The following KCTD1 variants were observed in gnomAD, a reference collection of about 807,000 sequenced individuals.
KCTD1 encodes BTB/POZ domain-containing protein KCTD1.
Under a neutral mutation model 66.0 loss-of-function variants are expected in KCTD1, and 24 were observed. That is an observed-to-expected ratio of 0.36 (90% CI 0.26 to 0.51). KCTD1 has a LOEUF of 0.51. KCTD1 is among the 20% of genes least tolerant of loss of function. KCTD1 has a pLI of 0.95. For synonymous variants in KCTD1, 511 were observed against 517.2 expected (o/e 0.99, Z 0.16); for missense variants, 943 against 1,205.2 (o/e 0.78, Z 3.22).
chr18:26,608,627 C>T (rs949290755), intron 1 of KCTD1, among the ~76,000 whole-genome samples: 1 of 152,170 alleles, frequency 6.6e-6, no homozygotes, highest in South Asian at 2.1e-4. Flanking sequence ...CCCGCTGCCC[C>T]CTCATTATTC....
chr18:26,526,999 T>C (rs10502471), intron 1 of KCTD1, among the ~76,000 whole-genome samples: 9,080 of 152,140 alleles, frequency 0.06, 312 homozygotes, highest in Middle Eastern at 0.11. Flanking sequence ...TGAGCACTAA[T>C]GCTTTAACCC....
At chr18:26,638,407 A>AT (rs1298907226) in intron 1 of KCTD1, among the ~76,000 whole-genome samples, 1 of 152,202 alleles carries the variant, frequency 6.6e-6, no homozygotes, top group Non-Finnish European at 1.5e-5. Flanking sequence ...CATACAATTC[A>AT]TTTTTTAACC....
At chr18:26,600,721 C>G (rs1043655548) in intron 1 of KCTD1, among the ~76,000 whole-genome samples, 1 of 151,874 alleles carries the variant, frequency 6.6e-6, no homozygotes, top group Non-Finnish European at 1.5e-5. Flanking sequence ...TGAGTCTCAT[C>G]TCAGCAATGC....
rs1426483667 is a variant in KCTD1 at position 26,593,300 on chromosome 18, TGAGGAGAAGGAA to T, written c.-16+35835_-16+35846del. Among the ~76,000 whole-genome samples the T allele has an allele frequency of 3.3e-3, 236 of 70,628 alleles. 1 individual carries two copies. The highest frequency in any genetic ancestry group is 0.011 in the African/African-American group (185 of 16,724). The allele number at this position is 70,628 out of a possible 152,430, so 46.3% of individuals were successfully genotyped here. The stretch of plus-strand genomic sequence containing the variant: ...AAGACAAGGAGGAGGAGGAGCAATA[TGAGGAGAAGGAA>T]GAGGAGGAGGAAGAGGAGGAGGAAG... On this transcript the variant is annotated intron_variant, in intron 1 of 4. Transcript: ENST00000317932.
chr18:26,644,602 A>T (rs867307446), upstream of KCTD1, among the ~76,000 whole-genome samples: 1 of 152,136 alleles, frequency 6.6e-6, no homozygotes, highest in African/African-American at 2.4e-5. Context: ...TACTAAAAAT[A>T]CAAAAATTAG....
At position 26,460,036 on chromosome 18, in the gene KCTD1, C is replaced by G. The variant is rs58922263; in HGVS notation, c.2134-111G>C. ...CTTCTTGTTATGTCACTAATCAAAT[C>G]TGCATGTGCGTTTTTCACTTACGAC... On this transcript the variant is annotated intron_variant, in intron 3 of 4. Coordinates refer to ENST00000580059, the MANE Select transcript of KCTD1 (RefSeq NM_001142730.3). 7.2e-3 allele frequency: 5,679 copies of G among 789,938 alleles called. 226 individuals carry two copies. In the African/African-American group the frequency reaches 0.088, roughly 12 times the overall value. The allele number at this position is 789,938 out of a possible 1,614,324, so 48.9% of individuals were successfully genotyped here.
At chr18:26,609,208 G>C (rs1175721046) in intron 1 of KCTD1, among the ~76,000 whole-genome samples, 1 of 152,138 alleles carries the variant, frequency 6.6e-6, no homozygotes, top group Non-Finnish European at 1.5e-5. Flanking sequence ...GTCAGCCACT[G>C]CACTTTATAT....
At position 26,467,495 on chromosome 18, in the gene KCTD1, GTGACAGCGCAAGACCC is replaced by G. The variant is rs1326495321; in HGVS notation, c.2134-7586_2134-7571del. ...ATTGCACCACTGCATTCCAGCCTGG[GTGACAGCGCAAGACCC>G]TGTCTCAAAAAAAATTTTTTAAGGC... On this transcript the variant is annotated intron_variant, in intron 3 of 4. Coordinates refer to ENST00000580059, the MANE Select transcript of KCTD1 (RefSeq NM_001142730.3). 3.9e-5 allele frequency among the ~76,000 whole-genome samples: 6 copies of G among 152,256 alleles called. No homozygotes were observed. In the South Asian group the frequency reaches 8.3e-4, roughly 21 times the overall value.
intron 1 of KCTD1, among the ~76,000 whole-genome samples, chr18:26,610,721 A>T (rs902904098): frequency 6.6e-6 from 1 of 152,158 alleles, no homozygotes; most frequent in Non-Finnish European, 1.5e-5. Flanking sequence ...AAAGAAAGAA[A>T]GGAAGAAAGG....
chr18:26,651,512 G>T (rs1988033360), intron 1 of KCTD1, among the ~76,000 whole-genome samples: 1 of 152,076 alleles, frequency 6.6e-6, no homozygotes, highest in East Asian at 1.9e-4. Context: ...GGCCGAGTGT[G>T]GTGGCTCACA....
chr18:26,510,191 G>C (rs1983265752), intron 1 of KCTD1, among the ~76,000 whole-genome samples: 1 of 152,150 alleles, frequency 6.6e-6, no homozygotes, highest in Non-Finnish European at 1.5e-5. Flanking sequence ...ATTACATTGT[G>C]GGGTGCAGAT....
intron 1 of KCTD1, among the ~76,000 whole-genome samples, chr18:26,559,718 G>T (rs1985800390): frequency 6.6e-6 from 1 of 152,180 alleles, no homozygotes; most frequent in Non-Finnish European, 1.5e-5. Flanking sequence ...GCTGTTAAAA[G>T]GCCTGAAGCA....
intron 1 of KCTD1, chr18:26,629,019 T>C (rs1987562522): frequency 4.6e-6 from 1 of 215,594 alleles, no homozygotes; most frequent in African/African-American, 2.4e-5. Flanking sequence ...GAGAGATTTT[T>C]ACAGTCTCAG....
chr18:26,578,930 A>G (rs1371653232), intron 1 of KCTD1, among the ~76,000 whole-genome samples: 1 of 152,242 alleles, frequency 6.6e-6, no homozygotes, highest in Non-Finnish European at 1.5e-5. Context: ...GGAATTAGAA[A>G]GCAAACATAA....
intron 1 of KCTD1, among the ~76,000 whole-genome samples, chr18:26,516,002 C>T (rs146489383): frequency 3.6e-4 from 54 of 151,944 alleles, no homozygotes; most frequent in Middle Eastern, 3.4e-3. Flanking sequence ...GAGAACACAG[C>T]GGATAAATGC....
intron 1 of KCTD1, among the ~76,000 whole-genome samples, chr18:26,620,076 C>G (rs115290195): frequency 2.0e-5 from 3 of 152,044 alleles, no homozygotes; most frequent in Non-Finnish European, 4.4e-5. Context: ...TCTCTGAACT[C>G]CTCGAGGGCA....
intron 4 of KCTD1, 46 bp from the exon 5 acceptor site, chr18:26,455,947 C>G (rs1598868475): frequency 7.0e-7 from 1 of 1,427,964 alleles, no homozygotes. Flanking sequence ...GAGGTAAGTC[C>G]TATGGCTACA....
intron 3 of KCTD1, among the ~76,000 whole-genome samples, chr18:26,472,688 C>T (rs1163808523): frequency 6.6e-6 from 1 of 152,218 alleles, no homozygotes; most frequent in Non-Finnish European, 1.5e-5. Flanking sequence ...GAGCGCCCGA[C>T]GTTGGTGGCT....
At chr18:26,599,885 G>T in intron 1 of KCTD1, 1 of 1,553,934 alleles carries the variant, frequency 6.4e-7, no homozygotes, top group South Asian at 1.1e-5. Context: ...CAGATCACAG[G>T]CAAAAAGCAA....
Sources: allele counts gnomAD v4.1 joint callset (sites outside exome capture counted in the v4.1 genomes callset), GRCh38; gene constraint gnomAD v4.1.1; transcripts MANE v1.5; gene names NCBI Gene and HGNC (gene_info 2026-07-23, HGNC 2026-07-21).